The following CD38 variants were observed in gnomAD, a reference collection of about 807,000 sequenced individuals.
The protein encoded by CD38 is CD38 molecule.
Under a neutral mutation model 36.3 loss-of-function variants are expected in CD38, and 31 were observed. The ratio of observed to expected loss-of-function variants is 0.85; its 90% confidence interval spans 0.64 to 1.15. CD38 has a LOEUF of 1.15. Among genes scored for constraint, CD38 ranks in the 50% most tolerant of loss-of-function variants. CD38 has a pLI of 0.00. For missense variants in CD38, 380 were observed against 371.9 expected (o/e 1.02, Z -0.18); for synonymous variants, 131 against 135.2 (o/e 0.97, Z 0.22).
In CD38 at chr4:15,778,446, G is replaced by C; in HGVS notation, c.32G>C (p.Gly11Ala). 6.2e-7 allele frequency: 1 copy of C among 1,613,956 alleles called. No individual in the cohort carries two copies. Among genetic ancestry groups the C allele is most frequent in the Non-Finnish European group, 8.5e-7 (1 of 1,179,990 alleles). Reference sequence around the variant, plus strand: ...AACTGCGAGTTCAGCCCGGTGTCCGGGGACAAACCCTGCTGCCGGCTCTCT... The same window carrying C: ...AACTGCGAGTTCAGCCCGGTGTCCGCGGACAAACCCTGCTGCCGGCTCTCT... Reference protein sequence around the residue: MANCEFSPVSGDKPCCRLSRR... With the variant: MANCEFSPVSADKPCCRLSRR... Residue 11 changes from glycine to alanine, a missense_variant, in exon 1 of 8, where the codon GGG becomes GCG. Physicochemically the swap from Gly to Ala is moderately conservative, Grantham distance 60 (BLOSUM62 0). Coordinates refer to ENST00000226279, the MANE Select transcript of CD38 (RefSeq NM_001775.4). The surrounding 1 kb of genome is among the most constrained non-coding windows in gnomAD (Gnocchi z 4.9).
At chr4:15,840,395 A>C in intron 6 of CD38, 57 bp from the exon 7 acceptor site, 2 of 1,165,202 alleles carry the variant, frequency 1.7e-6, no homozygotes, top group Non-Finnish European at 2.5e-6. Context: ...AAACAAAGAG[A>C]CTCCAAAAAT....
intron 3 of CD38, among the ~76,000 whole-genome samples, chr4:15,831,486 C>G (rs927246611): frequency 6.6e-6 from 1 of 152,086 alleles, no homozygotes; most frequent in Non-Finnish European, 1.5e-5. Context: ...AATCCCTCAC[C>G]TTTTGTTTGT....
chr4:15,783,988 T>C (rs755435808), intron 1 of CD38, among the ~76,000 whole-genome samples: 2 of 152,080 alleles, frequency 1.3e-5, no homozygotes, highest in Admixed American at 6.5e-5. Flanking sequence ...GATTCACAAA[T>C]GAAGAAACAC....
intron 4 of CD38, among the ~76,000 whole-genome samples, chr4:15,834,505 G>A (rs1423082118): frequency 6.6e-6 from 1 of 152,114 alleles, no homozygotes; most frequent in Non-Finnish European, 1.5e-5. Context: ...AGGGTCCATG[G>A]GCTCCAGTTG....
At chr4:15,795,444 T>A (rs1315483237) in intron 1 of CD38, among the ~76,000 whole-genome samples, 1 of 152,134 alleles carries the variant, frequency 6.6e-6, no homozygotes, top group African/African-American at 2.4e-5. Flanking sequence ...TGTAGCAAGA[T>A]GCTAACATTC....
chr4:15,791,818 G>T (rs1423690528), intron 1 of CD38, among the ~76,000 whole-genome samples: 1 of 85,800 alleles, frequency 1.2e-5, no homozygotes, highest in East Asian at 2.6e-4. Context: ...TCAGCCCCCC[G>T]CCCGGCCAGC....
At chr4:15,791,676 G>A (rs1577636936) in intron 1 of CD38, among the ~76,000 whole-genome samples, 3 of 94,908 alleles carry the variant, frequency 3.2e-5, no homozygotes, top group African/African-American at 1.5e-4. Flanking sequence ...GAGGGAGGTG[G>A]GGGGATCAGC....
chr4:15,823,962 T>A (rs914716088), intron 2 of CD38, among the ~76,000 whole-genome samples: 5 of 152,138 alleles, frequency 3.3e-5, no homozygotes, highest in African/African-American at 1.2e-4. Context: ...CCATGAAATA[T>A]TATGCAGCCA....
rs1382068207 is a variant in CD38 at position 15,852,814 on chromosome 4, T to TG, written c.*4212_*4213insG. The TG allele has an allele frequency of 6.8e-6, 1 of 146,974 alleles. No individual in the cohort carries two copies. The highest frequency in any genetic ancestry group is 2.5e-5 in the African/African-American group (1 of 39,654). The allele number at this position is 146,974 out of a possible 1,614,324, so 9.1% of individuals were successfully genotyped here. On this transcript the variant is annotated 3_prime_UTR_variant, in exon 8 of 8. Transcript: ENST00000226279. The stretch of plus-strand genomic sequence containing the variant: ...TCCCTAACGGGGCATTTATTCTTTT[T>TG]TTTTTTTTTTTTTGGGAGACGGAGT...
At chr4:15,783,616 G>A (rs1009012834) in intron 1 of CD38, among the ~76,000 whole-genome samples, 12 of 152,182 alleles carry the variant, frequency 7.9e-5, no homozygotes, top group African/African-American at 2.9e-4. Flanking sequence ...GAGCTGCCTT[G>A]AGTCCACATC....
chr4:15,779,557 G>A (rs1041253090), intron 1 of CD38, among the ~76,000 whole-genome samples: 4 of 152,132 alleles, frequency 2.6e-5, no homozygotes, highest in African/African-American at 9.7e-5. Context: ...GCAAAATCCC[G>A]CATTTAAGCA....
At chr4:15,816,795 G>A in intron 2 of CD38, 155 bp downstream of exon 2, 4 of 761,046 alleles carry the variant, frequency 5.3e-6, no homozygotes, top group South Asian at 1.5e-5. Context: ...AGGCCATTGA[G>A]GGGCCATGAT....
intron 1 of CD38, among the ~76,000 whole-genome samples, chr4:15,805,940 A>T (rs981041651): frequency 2.0e-5 from 3 of 152,214 alleles, no homozygotes; most frequent in East Asian, 1.9e-4. Context: ...GGACGAGTGT[A>T]ATTACCCTGC....
chr4:15,806,096 T>C (rs565332609), intron 1 of CD38, among the ~76,000 whole-genome samples: 76 of 152,276 alleles, frequency 5.0e-4, no homozygotes, highest in Admixed American at 7.8e-4. Flanking sequence ...TAGAGAGAGG[T>C]GCTAGCACAG....
chr4:15,839,575 C>G (rs776602626), intron 5 of CD38, among the ~76,000 whole-genome samples: 3 of 151,910 alleles, frequency 2.0e-5, no homozygotes, highest in Admixed American at 6.5e-5. Flanking sequence ...AGGCACCCAC[C>G]ACCACGCCCA....
At chr4:15,827,447 T>A (rs1478267373) in intron 3 of CD38, among the ~76,000 whole-genome samples, 5 of 152,192 alleles carry the variant, frequency 3.3e-5, no homozygotes, top group Non-Finnish European at 5.9e-5. Context: ...ATTTTTACTT[T>A]CACAATGTTT....
intron 1 of CD38, among the ~76,000 whole-genome samples, chr4:15,804,179 G>C (rs1053207501): frequency 7.2e-5 from 11 of 152,272 alleles, no homozygotes; most frequent in African/African-American, 2.2e-4. Context: ...ATACCCAGTA[G>C]TGGGATTTCT....
At chr4:15,830,462 G>A (rs1438605901) in intron 3 of CD38, among the ~76,000 whole-genome samples, 1 of 152,156 alleles carries the variant, frequency 6.6e-6, no homozygotes, top group Non-Finnish European at 1.5e-5. Context: ...CTATAGAGTT[G>A]TTTGAATTAC....
chr4:15,800,544 C>A (rs972912223), intron 1 of CD38, among the ~76,000 whole-genome samples: 2 of 152,114 alleles, frequency 1.3e-5, no homozygotes, highest in Non-Finnish European at 2.9e-5. Flanking sequence ...TGCATTTCCC[C>A]CATGACTAAT....
Sources: gnomAD v4.1 joint callset for allele counts (sites outside exome capture counted in the v4.1 genomes callset) on GRCh38, gnomAD v4.1.1 for gene constraint, Gnocchi (gnomAD v3.1) non-coding constraint, MANE v1.5 for transcripts, NCBI Gene and HGNC (gene_info 2026-07-23, HGNC 2026-07-21) for gene names.